Variants in NOX5 observed in about 807,000 individuals in gnomAD.
NOX5 encodes NADPH oxidase 5, also known as NADPH oxidase, EF-hand calcium binding domain 5.
A neutral mutation model predicts 85.7 loss-of-function variants in NOX5; 76 were observed. The observed-to-expected ratio is 0.89, with a 90% CI of 0.74 to 1.07. NOX5 has a LOEUF of 1.07. Ranked by LOEUF, NOX5 falls within the 50% of genes least tolerant of loss-of-function variation. NOX5 has a pLI of 0.00. For missense variants in NOX5, 973 were observed against 999.5 expected (o/e 0.97, Z 0.36); for synonymous variants, 405 against 401.4 (o/e 1.01, Z -0.11).
Position 69,031,683 on chromosome 15 carries a change from A to C in NOX5, c.491A>C (p.Glu164Ala), listed in dbSNP as rs760840148. 6 of 1,613,378 alleles carry C rather than the reference A, an allele frequency of 3.7e-6. No homozygotes were observed. Among genetic ancestry groups the C allele is most frequent in the Non-Finnish European group, 5.1e-6 (6 of 1,179,898 alleles). ...LRESAISLPD[E>A]KLDQLTLALF... is the part of the protein sequence containing the mutation. ...GAGAGCGCCATCTCGCTGCCTGACG[A>C]GAAGCTGGACCAGCTGACGCTGGCG... is the stretch of plus-strand genomic sequence containing the variant. The change falls in exon 4 of 16, where the codon GAG (glutamate) becomes GCG (alanine). Residue 164 changes from glutamate (E) to alanine (A), a missense_variant. By Grantham distance (107) the Glu-to-Ala change is moderately radical (BLOSUM62 -1). Transcript: ENST00000388866.
At chr15:69,021,021 C>A (rs2050289632) in intron 1 of NOX5, among the ~76,000 whole-genome samples, 1 of 151,604 alleles carries the variant, frequency 6.6e-6, no homozygotes, top group South Asian at 2.1e-4. Context: ...TAAGTTCTAA[C>A]TAACTAATTA....
chr15:69,024,550 T>C (rs1388394099), intron 1 of NOX5, among the ~76,000 whole-genome samples: 1 of 152,164 alleles, frequency 6.6e-6, no homozygotes, highest in Non-Finnish European at 1.5e-5. Flanking sequence ...GAAGGGTTAG[T>C]ACAGTAAAAC....
At chr15:69,030,140 C>T (rs1037030906) in intron 3 of NOX5, 4 of 152,206 alleles carry the variant, frequency 2.6e-5, no homozygotes, top group Non-Finnish European at 5.9e-5. Flanking sequence ...AAGTTCAAAT[C>T]TCAGTTCCAT....
chr15:69,042,830 G>C, intron 10 of NOX5, 25 bp downstream of exon 10: 2 of 1,607,108 alleles, frequency 1.2e-6, no homozygotes, highest in Non-Finnish European at 1.7e-6. Flanking sequence ...GAGGGAAGGG[G>C]TCCACTCTGC....
intron 3 of NOX5, chr15:69,031,236 T>G: frequency 4.1e-6 from 2 of 487,848 alleles, no homozygotes; most frequent in Non-Finnish European, 3.6e-6. Flanking sequence ...CACCGCCCCT[T>G]ATAGATTAAG....
rs765666935 is a variant in NOX5 at position 69,047,483 on chromosome 15, G to A, written c.1763G>A (p.Gly588Glu). 1 of 1,613,962 alleles carries A rather than the reference G, an allele frequency of 6.2e-7. No individual in the cohort carries two copies. The highest frequency in any genetic ancestry group is 8.5e-7 in the Non-Finnish European group (1 of 1,179,970). The change falls in exon 12 of 16, where the codon GGG becomes GAG. Residue 588 changes from glycine (G) to glutamate (E), a missense_variant. Transcript: ENST00000388866. ...GCCTCTGAGCATGCCGTGCTCATCG[G>A]GGCAGGCATCGGCATCACCCCCTTT... ...IFASEHAVLI[G>E]AGIGITPFAS...
At chr15:69,032,989 C>T in intron 4 of NOX5, 54 bp from the exon 5 acceptor site, 2 of 1,517,548 alleles carry the variant, frequency 1.3e-6, no homozygotes, top group Non-Finnish European at 1.7e-6. Context: ...AGTTAAGACA[C>T]AGGTGGTCCC....
In NOX5 at chr15:69,048,958, G is replaced by A. The variant is rs539327758; in HGVS notation, c.1900-1G>A. 6.2e-7 allele frequency: 1 copy of A among 1,610,312 alleles called. No individual in the cohort carries two copies. Among genetic ancestry groups the A allele is most frequent in the Non-Finnish European group, 8.5e-7 (1 of 1,178,452 alleles). On this transcript the variant is annotated splice_acceptor_variant, in intron 13 of 15. Transcript: ENST00000388866. LOFTEE classifies it high-confidence loss of function. ...CTGAGCTGAAGGGCCTCTCTCCGTAGGTGGACTTTATCTGGATCAACAGAG... is the reference window on the plus strand; with the variant it reads ...CTGAGCTGAAGGGCCTCTCTCCGTAAGTGGACTTTATCTGGATCAACAGAG...
At position 69,056,626 on chromosome 15, in the gene NOX5, C is replaced by T; in HGVS notation, c.2228C>T (p.Pro743Leu). The T allele has an allele frequency of 6.2e-7, 1 of 1,613,824 alleles. No homozygotes were observed. Among genetic ancestry groups the T allele is most frequent in the Non-Finnish European group, 8.5e-7 (1 of 1,180,020 alleles). The part of the protein sequence containing the change: ...GKVQVFFCGS[P>L]ALAKVLKGHC... ...GTGCAGGTCTTCTTCTGTGGCTCCCCAGCTCTGGCCAAGGTGCTGAAGGGC... is the reference window on the plus strand; with the variant it reads ...GTGCAGGTCTTCTTCTGTGGCTCCCTAGCTCTGGCCAAGGTGCTGAAGGGC... Residue 743 changes from proline to leucine, a missense_variant, in exon 16 of 16, where the codon CCA (proline) becomes CTA (leucine). Pro to Leu is a moderately conservative substitution (Grantham distance 98). Coordinates refer to ENST00000388866, the MANE Select transcript of NOX5 (RefSeq NM_024505.4).
chr15:69,047,322 G>A (rs1346045240), intron 11 of NOX5, 91 bp from the exon 12 acceptor site: 3 of 1,451,184 alleles, frequency 2.1e-6, no homozygotes, highest in Non-Finnish European at 2.7e-6. Context: ...TATATATAAA[G>A]GGGGTTCTGA....
chr15:69,056,096 A>G (rs1382885851), intron 15 of NOX5, among the ~76,000 whole-genome samples: 1 of 152,142 alleles, frequency 6.6e-6, no homozygotes, highest in African/African-American at 2.4e-5. Flanking sequence ...AAGGCAATTC[A>G]TAAGCAGAAT....
chr15:69,046,916 A>G (rs1034456821), intron 11 of NOX5, 50 bp downstream of exon 11: 7 of 1,588,290 alleles, frequency 4.4e-6, no homozygotes, highest in Non-Finnish European at 6.0e-6. Flanking sequence ...CCCCAACCAA[A>G]GGAAATGAAG....
chr15:69,056,839 A>G lies in NOX5; in HGVS notation c.*143A>G. On this transcript the variant is annotated 3_prime_UTR_variant, in exon 16 of 16. Transcript: ENST00000388866. ...GACCCCCTAATCCTGCTCAACAGAG[A>G]GAACAGGAGACCCCAAGGGGCAGAT... The G allele has an allele frequency of 9.9e-7, 1 of 1,013,372 alleles. No individual in the cohort carries two copies. Among genetic ancestry groups the G allele is most frequent in the Non-Finnish European group, 1.4e-6 (1 of 715,604 alleles). The allele number at this position is 1,013,372 out of a possible 1,614,324, so 62.8% of individuals were successfully genotyped here.
Position 69,038,943 on chromosome 15 carries a change from C to CT in NOX5, c.1459dup (p.Tyr487LeufsTer2). ...ATCTGAACATCCCCACCATTGCTCGCTATGAGTGGCACCCCTTCACCATCA... is the reference window on the plus strand; with the variant it reads ...ATCTGAACATCCCCACCATTGCTCGCTTATGAGTGGCACCCCTTCACCATCA... On this transcript the variant is annotated frameshift_variant, in exon 9 of 16. Coordinates refer to ENST00000388866, the MANE Select transcript of NOX5 (RefSeq NM_024505.4). LOFTEE classifies it high-confidence loss of function. 6.2e-7 allele frequency: 1 copy of CT among 1,614,152 alleles called. No homozygotes were observed. The highest frequency in any genetic ancestry group is 8.5e-7 in the Non-Finnish European group (1 of 1,180,030).
rs540197823 is a variant in NOX5, at chr15:69,028,110, G to A, written c.175-105G>A. ...TCTGCCTGAATACCGCCACTCTGTG[G>A]TGCACCCCCCCACCACCACCCCAGA... is the stretch of plus-strand genomic sequence containing the variant. On this transcript the variant is annotated intron_variant, in intron 2 of 15. Transcript: ENST00000388866. 4.7e-6 allele frequency: 6 copies of A among 1,286,986 alleles called. No individual in the cohort carries two copies. In the East Asian group the frequency reaches 9.8e-5, roughly 21 times the overall value. The allele number at this position is 1,286,986 out of a possible 1,614,324, so 79.7% of individuals were successfully genotyped here. A position where few individuals can be genotyped will look rare whatever the true frequency, so the allele number is the denominator to read the frequency against.
Position 69,044,362 on chromosome 15 carries a change from C to T in NOX5, c.1647+1557C>T, listed in dbSNP as rs186852949. 7.9e-5 allele frequency among the ~76,000 whole-genome samples: 12 copies of T among 152,148 alleles called. No homozygotes were observed. The East Asian group carries it at 2.1e-3, about 27-fold the overall frequency. On this transcript the variant is annotated intron_variant, in intron 10 of 15. Transcript: ENST00000388866. ...GCTTACCTTCTGGTGGGGAGACAGA[C>T]AATGAACAAATAAATATATGCATAA...
At chr15:69,042,061 C>G (rs2050601462) in intron 9 of NOX5, among the ~76,000 whole-genome samples, 1 of 129,598 alleles carries the variant, frequency 7.7e-6, no homozygotes, top group Non-Finnish European at 1.8e-5. Flanking sequence ...TAAAAGAATC[C>G]CTGGTTTAAA....
At chr15:69,032,914 C>G in intron 4 of NOX5, 129 bp from the exon 5 acceptor site, 1 of 1,293,332 alleles carries the variant, frequency 7.7e-7, no homozygotes, top group East Asian at 2.7e-5. Context: ...CTCTCTGTTT[C>G]CTGGTGTGAA....
intron 14 of NOX5, among the ~76,000 whole-genome samples, chr15:69,051,420 T>G (rs311926): frequency 0.97 from 148,201 of 152,032 alleles, 72,353 homozygotes; most frequent in East Asian, 1. Context: ...ACAGAGTGTG[T>G]CTCCATCACC....
Sources: gnomAD v4.1 joint callset for allele counts (sites outside exome capture counted in the v4.1 genomes callset) on GRCh38, gnomAD v4.1.1 for gene constraint, MANE v1.5 for transcripts, NCBI Gene and HGNC (gene_info 2026-07-23, HGNC 2026-07-21) for gene names.